LRRC37A2: variants seen among roughly 807,000 people sequenced by gnomAD.
The protein encoded by LRRC37A2 is leucine rich repeat containing 37 member A2.
A neutral mutation model predicts 68.8 loss-of-function variants in LRRC37A2; 9 were observed. The observed-to-expected ratio is 0.13, with a 90% CI of 0.08 to 0.23. LRRC37A2 has a LOEUF of 0.23. Ranked by LOEUF, LRRC37A2 falls within the 10% of genes least tolerant of loss-of-function variation. LRRC37A2 has a pLI of 1.00. For missense variants in LRRC37A2, 168 were observed against 950.4 expected (o/e 0.18, Z 10.82); for synonymous variants, 63 against 367.6 (o/e 0.17, Z 9.48).
At chr17:46,762,341 T>C in the LRRC37A2 span, among the ~76,000 whole-genome samples, 32 of 152,198 alleles carry the variant, frequency 2.1e-4, no homozygotes, top group Non-Finnish European at 2.9e-5. Flanking sequence ...TACTGTGGTG[T>C]ATCAGACCCA....
the LRRC37A2 span, chr17:46,940,594 G>T: frequency 1.3e-5 from 21 of 1,614,082 alleles, no homozygotes; most frequent in Non-Finnish European, 1.8e-5. Context: ...TTTGGAGGAA[G>T]GTCTGCAGGG....
the LRRC37A2 span, among the ~76,000 whole-genome samples, chr17:47,000,166 A>G: frequency 6.7e-6 from 1 of 150,332 alleles, no homozygotes; most frequent in Non-Finnish European, 1.5e-5. Flanking sequence ...GGCTCCCTGC[A>G]CAGAGTGTTC....
At chr17:46,867,564 G>A in the LRRC37A2 span, among the ~76,000 whole-genome samples, 1 of 152,250 alleles carries the variant, frequency 6.6e-6, no homozygotes, top group Non-Finnish European at 1.5e-5. Flanking sequence ...GATTACTGAA[G>A]GGTGAGGTCC....
the LRRC37A2 span, among the ~76,000 whole-genome samples, chr17:46,494,793 A>C: frequency 2.0e-5 from 3 of 151,358 alleles, no homozygotes; most frequent in South Asian, 6.2e-4. Flanking sequence ...TAGGGTATCC[A>C]TCATCTCAGA....
chr17:46,704,994 G>GCCT, the LRRC37A2 span: 1 of 593,046 alleles, frequency 1.7e-6, no homozygotes, highest in Non-Finnish European at 2.8e-6. Flanking sequence ...TTTAGTATTG[G>GCCT]AAATGTTCAG....
At chr17:46,922,730 A>G in the LRRC37A2 span, 1 of 164,026 alleles carries the variant, frequency 6.1e-6, no homozygotes, top group Non-Finnish European at 1.3e-5. Context: ...GAAACAGGAA[A>G]AGCTTGCGCC....
At chr17:46,898,760 T>TA in the LRRC37A2 span, among the ~76,000 whole-genome samples, 5 of 152,194 alleles carry the variant, frequency 3.3e-5, no homozygotes, top group Non-Finnish European at 7.3e-5. Flanking sequence ...TAACCAGTCA[T>TA]AATAACAGCA....
chr17:46,761,439 C>T, the LRRC37A2 span, among the ~76,000 whole-genome samples: 1 of 150,498 alleles, frequency 6.6e-6, no homozygotes, highest in Non-Finnish European at 1.5e-5. Context: ...TCAAGTGATT[C>T]TCCTGCCTCA....
the LRRC37A2 span, chr17:46,876,549 G>A: frequency 1.9e-6 from 3 of 1,613,660 alleles, no homozygotes; most frequent in African/African-American, 1.3e-5. Context: ...GGCACAGCAG[G>A]TAGGGTGTGC....
At chr17:47,021,921 T>C in the LRRC37A2 span, 3 of 1,515,046 alleles carry the variant, frequency 2.0e-6, no homozygotes, top group East Asian at 6.8e-5. Context: ...ACCGAGAAAC[T>C]GTGAGTATAT....
At chr17:46,386,146 C>T in the LRRC37A2 span, among the ~76,000 whole-genome samples, 1,073 of 109,342 alleles carry the variant, frequency 9.8e-3, no homozygotes, top group Non-Finnish European at 0.016. Context: ...TCACACAGGC[C>T]GGAGTGCAGT....
the LRRC37A2 span, among the ~76,000 whole-genome samples, chr17:46,746,661 A>G: frequency 6.6e-6 from 1 of 152,178 alleles, no homozygotes; most frequent in Non-Finnish European, 1.5e-5. Flanking sequence ...TTTTTTAGTA[A>G]TGTGTTTTTC....
chr17:47,044,546 T>C, the LRRC37A2 span, among the ~76,000 whole-genome samples: 1 of 150,848 alleles, frequency 6.6e-6, no homozygotes, highest in Non-Finnish European at 1.5e-5. Context: ...AATGGTTTTG[T>C]CCAGAAAATG....
chr17:46,726,526 TA>T, the LRRC37A2 span: 1 of 1,611,222 alleles, frequency 6.2e-7, no homozygotes, highest in Non-Finnish European at 8.5e-7. Flanking sequence ...AGTGAGATAA[TA>T]AATGACTTTG....
chr17:46,488,746 C>T, the LRRC37A2 span, among the ~76,000 whole-genome samples: 1 of 141,246 alleles, frequency 7.1e-6, no homozygotes, highest in Non-Finnish European at 1.5e-5. Flanking sequence ...ATCCCGAAAC[C>T]ACCTCCTCCC....
the LRRC37A2 span, among the ~76,000 whole-genome samples, chr17:46,800,705 T>C: frequency 1.3e-5 from 2 of 152,170 alleles, no homozygotes; most frequent in Non-Finnish European, 2.9e-5. Context: ...TCCCACAACC[T>C]GTCTTTGAGG....
the LRRC37A2 span, among the ~76,000 whole-genome samples, chr17:46,943,499 C>T: frequency 2.6e-5 from 4 of 152,226 alleles, no homozygotes; most frequent in Non-Finnish European, 5.9e-5. Flanking sequence ...CCCCACAATC[C>T]CATGAAACCT....
At chr17:46,398,151 A>T in the LRRC37A2 span, among the ~76,000 whole-genome samples, 2 of 113,556 alleles carry the variant, frequency 1.8e-5, no homozygotes, top group East Asian at 4.3e-4. Flanking sequence ...AATGCTGTAA[A>T]GTAAAAGTTC....
exon 10 of LRRC37A2, chr17:46,549,145 C>T (rs774729015): frequency 6.2e-7 from 1 of 1,611,374 alleles, no homozygotes; most frequent in Non-Finnish European, 8.5e-7. Context: ...TCTGAGTAGA[C>T]TGATGCTCGC....
Sources: allele counts gnomAD v4.1 joint callset (sites outside exome capture counted in the v4.1 genomes callset), GRCh38; gene constraint gnomAD v4.1.1; transcripts MANE v1.5; gene names NCBI Gene and HGNC (gene_info 2026-07-23, HGNC 2026-07-21).